The following SPTB variants were observed in gnomAD, a reference collection of about 807,000 sequenced individuals.
The protein encoded by SPTB is spectrin beta, erythrocytic.
SPTB carries 45 observed loss-of-function variants against 256.2 expected under a neutral mutation model. The observed-to-expected ratio is 0.18, with a 90% CI of 0.14 to 0.23. The LOEUF is 0.23. Among genes scored for constraint, SPTB ranks in the 10% least tolerant of loss-of-function variants. The pLI, the probability that SPTB is intolerant of heterozygous loss-of-function variation, is 1.00. For missense variants in SPTB, 2,715 were observed against 3,040.4 expected, an observed-to-expected ratio of 0.89 and a Z score of 2.52; for synonymous variants, 1,231 against 1,243.1, an observed-to-expected ratio of 0.99 and a Z score of 0.21.
rs1292273326 is a variant in SPTB at position 64,825,304 on chromosome 14, G to A, written c.-51-2159C>T. Reference sequence around the variant, plus strand: ...AAAACCAGTCATCATCCCGAACACAGGATGCCCCATGATGCCAGACCTGTG... The same window carrying A: ...AAAACCAGTCATCATCCCGAACACAAGATGCCCCATGATGCCAGACCTGTG... On this transcript the variant is annotated intron_variant, in intron 1 of 35. Transcript: ENST00000644917. This position sits in a 1 kb window ranked among gnomAD's most constrained non-coding sequence, Gnocchi z 4.8. Among the ~76,000 whole-genome samples the A allele has an allele frequency of 6.6e-6, 1 of 152,204 alleles. No individual in the cohort carries two copies. Among genetic ancestry groups the A allele is most frequent in the African/African-American group, 2.4e-5 (1 of 41,462 alleles).
At chr14:64,774,170 G>C (rs2082320846) in intron 24 of SPTB, among the ~76,000 whole-genome samples, 1 of 152,162 alleles carries the variant, frequency 6.6e-6, no homozygotes, top group South Asian at 2.1e-4. Flanking sequence ...CCCCTTCTCT[G>C]ATCATTTCGA....
chr14:64,791,649 GC>G, intron 15 of SPTB, 69 bp downstream of exon 15: 1 of 1,585,080 alleles, frequency 6.3e-7, no homozygotes. Flanking sequence ...TAAATTTTGG[GC>G]CCGGCCCCCA....
chr14:64,818,256 C>T (rs775721551), intron 2 of SPTB, among the ~76,000 whole-genome samples: 3 of 152,248 alleles, frequency 2.0e-5, no homozygotes, highest in Non-Finnish European at 2.9e-5. Context: ...TGAAGGCCAT[C>T]TCTTTCCCAC....
At chr14:64,773,710 C>T (rs1028477988) in intron 24 of SPTB, among the ~76,000 whole-genome samples, 30 of 152,306 alleles carry the variant, frequency 2.0e-4, no homozygotes, top group African/African-American at 1.2e-4. Flanking sequence ...AAATGGGGAA[C>T]GCCTCCATTG....
intron 1 of SPTB, among the ~76,000 whole-genome samples, chr14:64,851,383 A>C (rs2083783015): frequency 1.3e-5 from 2 of 152,206 alleles, no homozygotes; most frequent in African/African-American, 4.8e-5. Context: ...GTGAATATTA[A>C]AGACTTCATA....
intron 1 of SPTB, among the ~76,000 whole-genome samples, chr14:64,867,928 G>A (rs1237635113): frequency 6.7e-6 from 1 of 148,216 alleles, no homozygotes; most frequent in Non-Finnish European, 1.5e-5. Context: ...TCTAGGCATA[G>A]AAAAAGTGGC....
At chr14:64,752,280 T>TCTGTCTCCCTCCTCTC in intron 33 of SPTB, 2 of 1,334,170 alleles carry the variant, frequency 1.5e-6, no homozygotes, top group Non-Finnish European at 9.9e-7. Flanking sequence ...ATCCTCCTCT[T>TCTGTCTCCCTCCTCTC]CTGTCTCCCT....
Position 64,794,489 on chromosome 14 carries a change from G to C in SPTB, c.1773C>G (p.Thr591=), listed in dbSNP as rs565667858. ...GDKVKAITAA[T]LKFTEGKGYQ... ...CACCTTTCCCCTCGGTGAACTTCAG[G>C]GTGGCTGCGGTGATGGCCTTCACTT... Residue 591 remains threonine, a synonymous_variant, in exon 13 of 36, where the codon ACC becomes ACG. Coordinates refer to ENST00000644917, the MANE Select transcript of SPTB (RefSeq NM_001355436.2). The C allele has an allele frequency of 3.5e-5, 56 of 1,614,162 alleles. 1 individual carries two copies. The South Asian group carries it at 5.5e-4, about 16-fold the overall frequency.
At chr14:64,864,228 G>A (rs758271382) in intron 1 of SPTB, among the ~76,000 whole-genome samples, 2 of 152,136 alleles carry the variant, frequency 1.3e-5, no homozygotes, top group Non-Finnish European at 2.9e-5. Flanking sequence ...AGGCCAAGGT[G>A]GGAGGATCAC....
At chr14:64,867,985 C>A (rs1882293544) in intron 1 of SPTB, among the ~76,000 whole-genome samples, 1 of 151,918 alleles carries the variant, frequency 6.6e-6, no homozygotes, top group Admixed American at 6.6e-5. Flanking sequence ...TGAGCAAGTC[C>A]CAAGCATCCA....
At chr14:64,774,741 C>T (rs181254596) in intron 23 of SPTB, among the ~76,000 whole-genome samples, 1 of 152,290 alleles carries the variant, frequency 6.6e-6, no homozygotes, top group East Asian at 1.9e-4. Flanking sequence ...TGATTCGTAT[C>T]CGACATATAC....
chr14:64,849,416 T>A (rs933659250), intron 1 of SPTB, among the ~76,000 whole-genome samples: 1 of 152,184 alleles, frequency 6.6e-6, no homozygotes, highest in African/African-American at 2.4e-5. Context: ...AGCAAATGTG[T>A]CACAGCAATG....
chr14:64,805,173 C>T, intron 2 of SPTB, 83 bp from the exon 3 acceptor site: 1 of 1,482,808 alleles, frequency 6.7e-7, no homozygotes, highest in Non-Finnish European at 9.4e-7. Flanking sequence ...TTACCTTAAG[C>T]CCAGGGTACC....
rs1332158328 is a variant in SPTB at position 64,747,506 on chromosome 14, G to A, written c.*1800C>T. Reference sequence around the variant, plus strand: ...CCAGGGCGGGAACCTGGGGATGTCAGGCTCCATCGGATGACGTCTTCCTTC... The same window carrying A: ...CCAGGGCGGGAACCTGGGGATGTCAAGCTCCATCGGATGACGTCTTCCTTC... On this transcript the variant is annotated 3_prime_UTR_variant, in exon 36 of 36. Coordinates refer to ENST00000644917, the MANE Select transcript of SPTB (RefSeq NM_001355436.2). 2 of 152,718 alleles carry A rather than the reference G, an allele frequency of 1.3e-5. No individual in the cohort carries two copies. Among genetic ancestry groups the A allele is most frequent in the Non-Finnish European group, 2.9e-5 (2 of 68,118 alleles). The allele number at this position is 152,718 out of a possible 1,614,324, so 9.5% of individuals were successfully genotyped here. A position where few individuals can be genotyped will look rare whatever the true frequency, so the allele number is the denominator to read the frequency against.
rs140736247 is a variant in SPTB, at chr14:64,845,779, T to C, written c.-51-22634A>G. Reference sequence around the variant, plus strand: ...GCCATGGGCTCGCCTAGTCTCTTCATTGTTGAGTCAAATTATTTTCGACTC... The same window carrying C: ...GCCATGGGCTCGCCTAGTCTCTTCACTGTTGAGTCAAATTATTTTCGACTC... On this transcript the variant is annotated intron_variant, in intron 1 of 35. Transcript: ENST00000644917. This position sits in a 1 kb window ranked among gnomAD's most constrained non-coding sequence, Gnocchi z 4.8. Among the ~76,000 whole-genome samples the C allele has an allele frequency of 1.5e-3, 232 of 152,358 alleles. 1 individual carries two copies. Among genetic ancestry groups the C allele is most frequent in the Non-Finnish European group, 2.3e-3 (158 of 68,034 alleles).
rs2083197418 is a variant in SPTB, at chr14:64,816,731, G to A, written c.148+6216C>T. ...CTGCTACTAGCCTCCTTGTCACTCT[G>A]TCTCAGTGACATGTTATAAAGGGAA... is the stretch of plus-strand genomic sequence containing the variant. On this transcript the variant is annotated intron_variant, in intron 2 of 35. Transcript: ENST00000644917. This position sits in a 1 kb window ranked among gnomAD's most constrained non-coding sequence, Gnocchi z 4.2. Among the ~76,000 whole-genome samples, 1 of 152,150 alleles carries A rather than the reference G, an allele frequency of 6.6e-6. No homozygotes were observed. The highest frequency in any genetic ancestry group is 6.5e-5 in the Admixed American group (1 of 15,276).
At chr14:64,838,054 G>A (rs2083552954) in intron 1 of SPTB, among the ~76,000 whole-genome samples, 1 of 152,200 alleles carries the variant, frequency 6.6e-6, no homozygotes, top group Non-Finnish European at 1.5e-5. Flanking sequence ...AGATAGAATA[G>A]TATGGCAAGA....
intron 1 of SPTB, among the ~76,000 whole-genome samples, chr14:64,863,028 T>G (rs554711168): frequency 6.6e-6 from 1 of 152,308 alleles, no homozygotes; most frequent in East Asian, 1.9e-4. Flanking sequence ...CAGAAGCTCT[T>G]GAATTCACCA....
intron 29 of SPTB, 91 bp from the exon 30 acceptor site, chr14:64,767,950 C>T: frequency 6.8e-7 from 1 of 1,478,848 alleles, no homozygotes; most frequent in Non-Finnish European, 9.3e-7. Context: ...AGTGGTCAGG[C>T]AGGTGGCCTG....
Sources: allele counts gnomAD v4.1 joint callset (sites outside exome capture counted in the v4.1 genomes callset), GRCh38; gene constraint gnomAD v4.1.1; non-coding constraint Gnocchi (gnomAD v3.1); transcripts MANE v1.5; gene names NCBI Gene and HGNC (gene_info 2026-07-23, HGNC 2026-07-21).